Variants in KLHL22 observed in about 807,000 individuals in gnomAD.
KLHL22 encodes kelch-like protein 22.
KLHL22 carries 18 observed loss-of-function variants against 60.7 expected under a neutral mutation model. The ratio of observed to expected loss-of-function variants is 0.30; its 90% confidence interval spans 0.20 to 0.44. KLHL22 has a LOEUF of 0.44. Ranked by LOEUF, KLHL22 falls within the 20% of genes least tolerant of loss-of-function variation. The pLI, the probability that KLHL22 is intolerant of heterozygous loss-of-function variation, is 1.00. For synonymous variants in KLHL22, 355 were observed against 354.5 expected (o/e 1.00, Z -0.01); for missense variants, 596 against 852.3 (o/e 0.70, Z 3.74).
chr22:20,449,080 A>G (rs970995373), intron 5 of KLHL22, among the ~76,000 whole-genome samples: 1 of 150,740 alleles, frequency 6.6e-6, no homozygotes, highest in African/African-American at 2.4e-5. Flanking sequence ...TTTTTTTTTG[A>G]GACAGAGTCT....
chr22:20,469,096 TGA>T (rs1156653750), intron 3 of KLHL22, among the ~76,000 whole-genome samples: 5 of 150,680 alleles, frequency 3.3e-5, no homozygotes, highest in African/African-American at 1.2e-4. Flanking sequence ...AGCTGACTGG[TGA>T]GAGAGGGAAA....
chr22:20,464,318 C>T (rs1321546278), intron 4 of KLHL22, among the ~76,000 whole-genome samples: 1 of 152,230 alleles, frequency 6.6e-6, no homozygotes, highest in African/African-American at 2.4e-5. Flanking sequence ...GCTTGTTGGC[C>T]TTTACCACGC....
rs187983219 is a variant in KLHL22 at position 20,446,383 on chromosome 22, A to C, written c.1539+60T>G. 1.2e-4 allele frequency: 119 copies of C among 968,704 alleles called. No individual in the cohort carries two copies. The East Asian group carries it at 2.7e-3, about 22-fold the overall frequency. The allele number at this position is 968,704 out of a possible 1,614,324, so 60.0% of individuals were successfully genotyped here. On this transcript the variant is annotated intron_variant, in intron 6 of 6. Transcript: ENST00000328879. ...ACATGATTCAATTACATTTTCCATC[A>C]ATAACAACTGAGAGGCTTGGGAATG...
intron 3 of KLHL22, among the ~76,000 whole-genome samples, chr22:20,470,811 G>GATGGATGGATGGATGGATGCATGCATGC (rs2053311555): frequency 1.4e-5 from 2 of 145,292 alleles, no homozygotes; most frequent in East Asian, 1.9e-4. Flanking sequence ...TGGATGGATG[G>GATGGATGGATGGATGGATGCATGCATGC]ATGGATGGAT....
chr22:20,458,165 G>C (rs1260739215), intron 4 of KLHL22, among the ~76,000 whole-genome samples, 165 bp from the exon 5 acceptor site: 2 of 152,080 alleles, frequency 1.3e-5, no homozygotes. Context: ...CAGGCCCACA[G>C]GCTGTTACAC....
chr22:20,467,525 C>T (rs1601354923), intron 3 of KLHL22, among the ~76,000 whole-genome samples: 1 of 152,212 alleles, frequency 6.6e-6, no homozygotes, highest in Non-Finnish European at 1.5e-5. Context: ...TTGTGGGAAC[C>T]CCCTTGCTAC....
chr22:20,451,364 G>C, intron 5 of KLHL22: 1 of 1,611,808 alleles, frequency 6.2e-7, no homozygotes, highest in African/African-American at 1.3e-5. Context: ...CAGACAGCCC[G>C]GGAAGGTGCC....
At chr22:20,493,998 G>T (rs1377506631) in intron 1 of KLHL22, among the ~76,000 whole-genome samples, 1 of 149,674 alleles carries the variant, frequency 6.7e-6, no homozygotes, top group African/African-American at 2.5e-5. Context: ...AGAATCGATT[G>T]AACCCAGGAG....
rs1601335891 is a variant in KLHL22, at chr22:20,456,619, T to C, written c.1305+1189A>G. On this transcript the variant is annotated intron_variant, in intron 5 of 6. Coordinates refer to ENST00000328879, the MANE Select transcript of KLHL22 (RefSeq NM_032775.4). ...CTTCTCCATGCAAAATCTGCTCCTT[T>C]CCCCAGGATGGGGGTACGGAGTGTC... is the stretch of plus-strand genomic sequence containing the variant. 2.0e-5 allele frequency among the ~76,000 whole-genome samples: 3 copies of C among 152,302 alleles called. No homozygotes were observed. In the South Asian group the frequency reaches 6.2e-4, roughly 32 times the overall value.
chr22:20,487,741 C>T (rs997829565), intron 2 of KLHL22, among the ~76,000 whole-genome samples: 3 of 152,148 alleles, frequency 2.0e-5, no homozygotes, highest in Admixed American at 1.3e-4. Flanking sequence ...TCCTGGAGGA[C>T]GTGGAAAGCC....
chr22:20,442,286 G>A lies in KLHL22; in HGVS notation c.1692C>T (p.His564=). The A allele has an allele frequency of 1.2e-6, 2 of 1,613,972 alleles. No individual in the cohort carries two copies. Among genetic ancestry groups the A allele is most frequent in the Non-Finnish European group, 1.7e-6 (2 of 1,180,014 alleles). ...HNRGSRTGYV[H]IYDVEKDCWE... is the part of the protein sequence containing the mutation. ...AGCAGTCCTTCTCCACATCGTAAAT[G>A]TGCACGTAGCCTGTGCGGCTGCCGC... is the stretch of plus-strand genomic sequence containing the variant. Residue 564 remains histidine, a synonymous_variant, in exon 7 of 7, where the codon CAC becomes CAT. Coordinates refer to ENST00000328879, the MANE Select transcript of KLHL22 (RefSeq NM_032775.4).
intron 4 of KLHL22, among the ~76,000 whole-genome samples, chr22:20,458,634 TG>T (rs1464580119): frequency 6.6e-6 from 1 of 151,888 alleles, no homozygotes; most frequent in African/African-American, 2.4e-5. Context: ...CTCCACTGGA[TG>T]GGTGCCATCA....
At chr22:20,490,225 T>C in intron 1 of KLHL22, among the ~76,000 whole-genome samples, 1 of 152,220 alleles carries the variant, frequency 6.6e-6, no homozygotes, top group East Asian at 1.9e-4. Flanking sequence ...AATATGTTTA[T>C]TCTCCAATTA....
chr22:20,493,385 ATTTAAAACCACATCTATACGGT>A, intron 1 of KLHL22, among the ~76,000 whole-genome samples: 1 of 152,268 alleles, frequency 6.6e-6, no homozygotes, highest in Non-Finnish European at 1.5e-5. Flanking sequence ...CATTTAAAAC[ATTTAAAACCACATCTATACGGT>A]TTTAAATCAC....
rs890812992 is a variant in KLHL22, at chr22:20,465,928, G to A, written c.394-352C>T. 6.6e-6 allele frequency among the ~76,000 whole-genome samples: 1 copy of A among 151,992 alleles called. No homozygotes were observed. Among genetic ancestry groups the A allele is most frequent in the Non-Finnish European group, 1.5e-5 (1 of 67,982 alleles). On this transcript the variant is annotated intron_variant, in intron 3 of 6. Coordinates refer to ENST00000328879, the MANE Select transcript of KLHL22 (RefSeq NM_032775.4). The surrounding 1 kb of genome is among the most constrained non-coding windows in gnomAD (Gnocchi z 4.9). Reference sequence around the variant, plus strand: ...CCTCCCGGGTTGAAATGATTCTCCTGCCTCAGCCTCCCGTACAGAATGTTT... The same window carrying A: ...CCTCCCGGGTTGAAATGATTCTCCTACCTCAGCCTCCCGTACAGAATGTTT...
At chr22:20,466,868 T>G (rs2053245007) in intron 3 of KLHL22, among the ~76,000 whole-genome samples, 1 of 151,916 alleles carries the variant, frequency 6.6e-6, no homozygotes, top group African/African-American at 2.4e-5. Context: ...TTCCCAGCCA[T>G]GGGGAAGCAC....
intron 3 of KLHL22, among the ~76,000 whole-genome samples, chr22:20,468,383 G>T (rs1391875038): frequency 6.6e-6 from 1 of 152,190 alleles, no homozygotes; most frequent in Non-Finnish European, 1.5e-5. Context: ...TCTCACAGAG[G>T]AACCAGCCTG....
intron 4 of KLHL22, among the ~76,000 whole-genome samples, chr22:20,462,256 G>A (rs1236111503): frequency 4.1e-5 from 5 of 120,756 alleles, no homozygotes; most frequent in East Asian, 2.2e-4. Context: ...CAGCCTGGGC[G>A]ACAGAACGAG....
intron 4 of KLHL22, among the ~76,000 whole-genome samples, chr22:20,460,150 T>TGCGC (rs1160527821): frequency 7.2e-5 from 11 of 152,142 alleles, no homozygotes; most frequent in Non-Finnish European, 8.8e-5. Flanking sequence ...TATATACAAG[T>TGCGC]CTCTCCTCTC....
Sources: gnomAD v4.1 joint callset for allele counts (sites outside exome capture counted in the v4.1 genomes callset) on GRCh38, gnomAD v4.1.1 for gene constraint, Gnocchi (gnomAD v3.1) non-coding constraint, MANE v1.5 for transcripts, NCBI Gene and HGNC (gene_info 2026-07-23, HGNC 2026-07-21) for gene names.